The following GRIP2 variants were observed in gnomAD, a reference collection of about 807,000 sequenced individuals.
GRIP2 encodes glutamate receptor-interacting protein 2.
Under a neutral mutation model 108.3 loss-of-function variants are expected in GRIP2, and 58 were observed. The ratio of observed to expected loss-of-function variants is 0.54; its 90% CI spans 0.43 to 0.67. The LOEUF (loss-of-function observed/expected upper bound fraction) is 0.67, where lower values mean the gene tolerates loss of function less well. Among genes scored for constraint, GRIP2 ranks in the 30% least tolerant of loss-of-function variants. The pLI is 0.00. For missense variants in GRIP2, 1,278 were observed against 1,430.6 expected, an observed-to-expected ratio of 0.89 and a Z score of 1.72; for synonymous variants, 586 against 598.2, an observed-to-expected ratio of 0.98 and a Z score of 0.30.
the GRIP2 span, among the ~76,000 whole-genome samples, chr3:14,595,318 C>T: frequency 5.3e-5 from 8 of 152,242 alleles, no homozygotes; most frequent in African/African-American, 1.4e-4. Flanking sequence ...GTGTGCCCAG[C>T]GCCTGGCTGT....
intron 16 of GRIP2, among the ~76,000 whole-genome samples, chr3:14,510,706 C>T (rs767523989): frequency 1.3e-5 from 2 of 152,178 alleles, no homozygotes; most frequent in African/African-American, 4.8e-5. Flanking sequence ...AGTCCTCACC[C>T]GTCCCTTTTG....
chr3:14,493,703 G>T lies in GRIP2; in HGVS notation c.3094C>A (p.Pro1032Thr). 1 of 1,608,870 alleles carries T rather than the reference G, an allele frequency of 6.2e-7. No homozygotes were observed. Among genetic ancestry groups the T allele is most frequent in the Non-Finnish European group, 8.5e-7 (1 of 1,177,992 alleles). Residue 1032 changes from proline (P) to threonine (T), a missense_variant, in exon 24 of 24, where the codon CCC becomes ACC. Physicochemically the swap from Pro to Thr is conservative, Grantham distance 38 (BLOSUM62 -1). Coordinates refer to ENST00000621039, the MANE Select transcript of GRIP2 (RefSeq NM_001080423.4). ...GGACTGCTGGGGCCTGGCGATCGGGGGGCCCGGCTGCTGTGTGCCGTGTGC... is the reference window on the plus strand; with the variant it reads ...GGACTGCTGGGGCCTGGCGATCGGGTGGCCCGGCTGCTGTGTGCCGTGTGC... ...KPHTAHSSRA[P>T]RSPGPSSPRM...
chr3:14,500,118 A>C (rs1258466867), intron 21 of GRIP2, among the ~76,000 whole-genome samples: 4 of 152,248 alleles, frequency 2.6e-5, no homozygotes, highest in Non-Finnish European at 5.9e-5. Flanking sequence ...GTAGAAGTTG[A>C]AACACAGTAT....
At chr3:14,527,069 C>T (rs970487492) in intron 1 of GRIP2, among the ~76,000 whole-genome samples, 2 of 152,092 alleles carry the variant, frequency 1.3e-5, no homozygotes, top group Non-Finnish European at 2.9e-5. Context: ...TGCCTATAGT[C>T]CCAGCTACTC....
upstream of GRIP2, among the ~76,000 whole-genome samples, chr3:14,540,904 G>A (rs752249850): frequency 3.9e-5 from 6 of 152,186 alleles, no homozygotes; most frequent in South Asian, 2.1e-4. This position sits in a 1 kb window ranked among gnomAD's most constrained non-coding sequence, Gnocchi z 4.1. Context: ...GTTTTCCCTC[G>A]GTAAAATGGG....
At chr3:14,574,087 TC>T in the GRIP2 span, 1 of 1,322,742 alleles carries the variant, frequency 7.6e-7, no homozygotes, top group Non-Finnish European at 1.1e-6. Flanking sequence ...ACCCAGTGGT[TC>T]CACAGAATCG....
intron 11 of GRIP2, among the ~76,000 whole-genome samples, chr3:14,514,905 G>A (rs1015493743): frequency 6.6e-6 from 1 of 152,152 alleles, no homozygotes; most frequent in Admixed American, 6.5e-5. Flanking sequence ...GGTTTTTAGT[G>A]TATTCACAAT....
In GRIP2 at chr3:14,512,761, G is replaced by C. The variant is rs1694133597; in HGVS notation, c.1720+16C>G. The C allele has an allele frequency of 3.7e-6, 6 of 1,611,090 alleles. No homozygotes were observed. Among genetic ancestry groups the C allele is most frequent in the Non-Finnish European group, 5.1e-6 (6 of 1,177,994 alleles). ...AGCTCGCTCCCAGGGGCAAACAGCA[G>C]CGGGAGGAGACTCACAGCTGATGGT... On this transcript the variant is annotated intron_variant, in intron 14 of 23. Coordinates refer to ENST00000621039, the MANE Select transcript of GRIP2 (RefSeq NM_001080423.4). The surrounding 1 kb of genome is among the most constrained non-coding windows in gnomAD (Gnocchi z 5.1).
At chr3:14,572,796 C>G in the GRIP2 span, 2 of 706,658 alleles carry the variant, frequency 2.8e-6, no homozygotes, top group Non-Finnish European at 4.8e-6. Flanking sequence ...TCAGGGTTGT[C>G]GTGTCTGGCT....
At chr3:14,554,179 G>C (rs1328498079) in intron 1 of GRIP2, among the ~76,000 whole-genome samples, 1 of 152,182 alleles carries the variant, frequency 6.6e-6, no homozygotes, top group Non-Finnish European at 1.5e-5. Flanking sequence ...TTCAACAGGG[G>C]AGGAAACTGA....
At chr3:14,573,449 C>T in the GRIP2 span, 1 of 1,504,142 alleles carries the variant, frequency 6.6e-7, no homozygotes, top group Non-Finnish European at 9.2e-7. Context: ...GGGACAGCCA[C>T]AGGCGGTAGA....
the GRIP2 span, among the ~76,000 whole-genome samples, chr3:14,593,540 A>C: frequency 6.6e-6 from 1 of 152,248 alleles, no homozygotes. Flanking sequence ...CAGAGCTCCT[A>C]TAGTTCTCCC....
rs1693913691 is a variant in GRIP2, at chr3:14,505,916, G to A, written c.2399-127C>T. The A allele has an allele frequency of 1.3e-6, 1 of 781,362 alleles. No homozygotes were observed. Among genetic ancestry groups the A allele is most frequent in the Non-Finnish European group, 1.9e-6 (1 of 520,490 alleles). The allele number at this position is 781,362 out of a possible 1,614,324, so 48.4% of individuals were successfully genotyped here. A position where few individuals can be genotyped will look rare whatever the true frequency, so the allele number is the denominator to read the frequency against. ...TCCTCTCTGGGCCTGCATCTACACA[G>A]CCCTCTGAGGGCCTCTGCCTCTCAG... On this transcript the variant is annotated intron_variant, in intron 19 of 23. Coordinates refer to ENST00000621039, the MANE Select transcript of GRIP2 (RefSeq NM_001080423.4). The surrounding 1 kb of genome is among the most constrained non-coding windows in gnomAD (Gnocchi z 4.2).
the GRIP2 span, among the ~76,000 whole-genome samples, chr3:14,594,961 A>G: frequency 6.6e-6 from 1 of 152,254 alleles, no homozygotes; most frequent in Non-Finnish European, 1.5e-5. Flanking sequence ...CAGTGGCGCA[A>G]TCACAGTTCA....
Position 14,521,869 on chromosome 3 carries a change from C to A in GRIP2, c.567-82G>T. 2 of 1,272,844 alleles carry A rather than the reference C, an allele frequency of 1.6e-6. No homozygotes were observed. The highest frequency in any genetic ancestry group is 2.1e-6 in the Non-Finnish European group (2 of 957,072). The allele number at this position is 1,272,844 out of a possible 1,614,324, so 78.8% of individuals were successfully genotyped here. A position where few individuals can be genotyped will look rare whatever the true frequency, so the allele number is the denominator to read the frequency against. ...TCTGGGAGGGCGCTGGGAAGCGGGA[C>A]ATGGAGGATGAAGAAGCAGGGAATG... is the stretch of plus-strand genomic sequence containing the variant. On this transcript the variant is annotated intron_variant, in intron 6 of 23. Coordinates refer to ENST00000621039, the MANE Select transcript of GRIP2 (RefSeq NM_001080423.4). The surrounding 1 kb of genome is among the most constrained non-coding windows in gnomAD (Gnocchi z 5.1).
intron 11 of GRIP2, among the ~76,000 whole-genome samples, chr3:14,516,609 A>G (rs1694255279): frequency 6.6e-6 from 1 of 152,220 alleles, no homozygotes; most frequent in Non-Finnish European, 1.5e-5. Context: ...AAATTATTAC[A>G]TTCTGGACAG....
chr3:14,576,486 C>T, the GRIP2 span, among the ~76,000 whole-genome samples: 48 of 152,278 alleles, frequency 3.2e-4, 1 homozygote, highest in East Asian at 8.3e-3. Context: ...GCAAGGAGGG[C>T]GGGGAGAGGC....
chr3:14,562,844 C>T, the GRIP2 span, among the ~76,000 whole-genome samples: 5 of 152,194 alleles, frequency 3.3e-5, no homozygotes, highest in African/African-American at 1.2e-4. Context: ...CACAGCATTC[C>T]CTGAGATGGA....
the GRIP2 span, chr3:14,573,420 A>G: frequency 7.3e-7 from 1 of 1,365,304 alleles, no homozygotes; most frequent in Non-Finnish European, 1.0e-6. Context: ...GTAGTGCAGG[A>G]TCCTGGTGTG....
Sources: gnomAD v4.1 joint callset for allele counts (sites outside exome capture counted in the v4.1 genomes callset) on GRCh38, gnomAD v4.1.1 for gene constraint, Gnocchi (gnomAD v3.1) non-coding constraint, MANE v1.5 for transcripts, NCBI Gene and HGNC (gene_info 2026-07-23, HGNC 2026-07-21) for gene names.